The following FOXP1 variants were observed in gnomAD, a reference collection of about 807,000 sequenced individuals.
The protein encoded by FOXP1 is forkhead box protein P1.
FOXP1 carries 15 observed loss-of-function variants against 98.2 expected under a neutral mutation model. The ratio of observed to expected loss-of-function variants is 0.15; its 90% CI spans 0.10 to 0.24. The LOEUF (loss-of-function observed/expected upper bound fraction) is 0.24, where lower values mean the gene tolerates loss of function less well. Ranked by LOEUF, FOXP1 falls within the 10% of genes least tolerant of loss-of-function variation. The pLI is 1.00. For missense variants in FOXP1, 633 were observed against 848.5 expected (o/e 0.75, Z 3.15); for synonymous variants, 371 against 314.5 (o/e 1.18, Z -1.90).
At chr3:71,515,237 G>A (rs757418206) in intron 2 of FOXP1, among the ~76,000 whole-genome samples, 1 of 151,740 alleles carries the variant, frequency 6.6e-6, no homozygotes, top group South Asian at 2.1e-4. Context: ...CCTCTGCATC[G>A]AACCAAAATG....
intron 7 of FOXP1, among the ~76,000 whole-genome samples, chr3:71,057,963 G>A (rs1439064834): frequency 1.3e-5 from 2 of 152,062 alleles, no homozygotes; most frequent in Non-Finnish European, 2.9e-5. Context: ...TGCCTGATAC[G>A]GTTTTTTCTT....
intron 7 of FOXP1, among the ~76,000 whole-genome samples, chr3:71,081,433 C>T (rs770477392): frequency 2.6e-5 from 4 of 152,130 alleles, no homozygotes; most frequent in African/African-American, 7.2e-5. Flanking sequence ...ACTGATGCCA[C>T]GGAGGGAAAC....
chr3:71,034,033 T>C (rs1388293742), intron 11 of FOXP1, among the ~76,000 whole-genome samples: 1 of 152,060 alleles, frequency 6.6e-6, no homozygotes, highest in Non-Finnish European at 1.5e-5. Context: ...CCACACCTGG[T>C]CCTCTTTCCG....
intron 5 of FOXP1, among the ~76,000 whole-genome samples, chr3:71,289,019 C>CTCATTTAT (rs148981345): frequency 1.3e-5 from 2 of 148,674 alleles, no homozygotes; most frequent in Non-Finnish European, 3.0e-5. Flanking sequence ...CAACTCTCTT[C>CTCATTTAT]TTATTTATTT....
At chr3:71,542,679 CAG>C (rs2044958935) in intron 2 of FOXP1, among the ~76,000 whole-genome samples, 1 of 152,208 alleles carries the variant, frequency 6.6e-6, no homozygotes, top group Non-Finnish European at 1.5e-5. Flanking sequence ...GGCAGACACA[CAG>C]AGGAGAGTGT....
chr3:71,291,110 C>A (rs936251478), intron 5 of FOXP1, among the ~76,000 whole-genome samples: 1 of 152,134 alleles, frequency 6.6e-6, no homozygotes, highest in African/African-American at 2.4e-5. Context: ...TATCTATCAC[C>A]ACGCCCTTGT....
chr3:71,036,049 G>C (rs903668105), intron 11 of FOXP1, among the ~76,000 whole-genome samples: 3 of 152,244 alleles, frequency 2.0e-5, no homozygotes, highest in East Asian at 1.9e-4. Flanking sequence ...AAATAACAAG[G>C]CCTGTAAACA....
Position 71,452,140 on chromosome 3 carries a change from C to T in FOXP1, c.-168+41286G>A, listed in dbSNP as rs149530853. 4.9e-3 allele frequency among the ~76,000 whole-genome samples: 748 copies of T among 152,214 alleles called. 6 individuals carry two copies. Among genetic ancestry groups the T allele is most frequent in the African/African-American group, 0.018 (728 of 41,518 alleles). On this transcript the variant is annotated intron_variant, in intron 3 of 20. Transcript: ENST00000649528. ...TCTCTAAAATTAATCACTCTCGGAGCCCCCAAAAGGTGAATGTATATCCAT... is the reference window on the plus strand; with the variant it reads ...TCTCTAAAATTAATCACTCTCGGAGTCCCCAAAAGGTGAATGTATATCCAT...
At position 71,582,371 on chromosome 3, in the gene FOXP1, C is replaced by A. The variant is rs575306062; in HGVS notation, c.-446-674G>T. ...GGCAACTGGCAAACTCCTCGGCTCC[C>A]GGCGCCGCCGCCACCGCCGTGGTCC... On this transcript the variant is annotated intron_variant, in intron 1 of 20. Transcript: ENST00000649528. The A allele has an allele frequency of 5.0e-5, 49 of 976,858 alleles. 1 individual carries two copies. In the East Asian group the frequency reaches 1.8e-3, roughly 37 times the overall value. The allele number at this position is 976,858 out of a possible 1,614,324, so 60.5% of individuals were successfully genotyped here. A position where few individuals can be genotyped will look rare whatever the true frequency, so the allele number is the denominator to read the frequency against.
intron 3 of FOXP1, among the ~76,000 whole-genome samples, chr3:71,418,935 CAAAA>C (rs34398058): frequency 1.8e-5 from 2 of 108,686 alleles, no homozygotes; most frequent in Non-Finnish European, 3.6e-5. Flanking sequence ...AGACCGGTCT[CAAAA>C]AAAAAAAAAA....
At chr3:71,262,372 AC>A (rs1274101605) in intron 5 of FOXP1, among the ~76,000 whole-genome samples, 1 of 149,606 alleles carries the variant, frequency 6.7e-6, no homozygotes, top group African/African-American at 2.5e-5. Flanking sequence ...CCCAGCCTGC[AC>A]CATGACTATC....
At chr3:70,967,455 A>G (rs1048659252) in intron 19 of FOXP1, among the ~76,000 whole-genome samples, 1 of 152,140 alleles carries the variant, frequency 6.6e-6, no homozygotes, top group Admixed American at 6.5e-5. Context: ...GTAAATGTGT[A>G]TAACTGCCTT....
chr3:71,116,146 T>C (rs1444923877), intron 6 of FOXP1, among the ~76,000 whole-genome samples: 1 of 152,202 alleles, frequency 6.6e-6, no homozygotes, highest in Non-Finnish European at 1.5e-5. Context: ...TACAGAATGA[T>C]CACACATTTC....
At chr3:71,463,591 A>G (rs1029377107) in intron 3 of FOXP1, among the ~76,000 whole-genome samples, 1 of 152,128 alleles carries the variant, frequency 6.6e-6, no homozygotes, top group Non-Finnish European at 1.5e-5. Flanking sequence ...GGAGATATGA[A>G]GATAACTATA....
intron 3 of FOXP1, among the ~76,000 whole-genome samples, chr3:71,389,182 C>T (rs1309802128): frequency 1.5e-5 from 2 of 136,412 alleles, no homozygotes; most frequent in South Asian, 4.5e-4. Flanking sequence ...CGATATGGTG[C>T]AAATTCAGTG....
chr3:71,242,207 C>T (rs1560173530), intron 5 of FOXP1, among the ~76,000 whole-genome samples: 1 of 152,198 alleles, frequency 6.6e-6, no homozygotes, highest in African/African-American at 2.4e-5. Flanking sequence ...CCCCCATATT[C>T]ATTTAAAAGA....
At chr3:71,005,548 TAC>T (rs1456368092) in intron 12 of FOXP1, among the ~76,000 whole-genome samples, 1 of 151,994 alleles carries the variant, frequency 6.6e-6, no homozygotes, top group African/African-American at 2.4e-5. Context: ...AGAATAGAAT[TAC>T]ACAGTCAAGA....
chr3:71,497,097 AT>A (rs2091472879), intron 2 of FOXP1, among the ~76,000 whole-genome samples: 1 of 152,100 alleles, frequency 6.6e-6, no homozygotes, highest in Non-Finnish European at 1.5e-5. Flanking sequence ...AGCAACTGAA[AT>A]TTTTAAAAAT....
intron 2 of FOXP1, among the ~76,000 whole-genome samples, chr3:71,514,857 C>CT (rs997146664): frequency 2.0e-5 from 3 of 152,220 alleles, no homozygotes; most frequent in African/African-American, 7.2e-5. Flanking sequence ...CTGAAACATC[C>CT]TTTATCGCTC....
Sources: allele counts gnomAD v4.1 joint callset (sites outside exome capture counted in the v4.1 genomes callset), GRCh38; gene constraint gnomAD v4.1.1; transcripts MANE v1.5; gene names NCBI Gene and HGNC (gene_info 2026-07-23, HGNC 2026-07-21).